The following KIAA1328 variants were observed in gnomAD, a reference collection of about 807,000 sequenced individuals.
KIAA1328 encodes protein hinderin.
Under a neutral mutation model 68.1 loss-of-function variants are expected in KIAA1328, and 52 were observed. The observed-to-expected ratio is 0.76, with a 90% CI of 0.61 to 0.96. The LOEUF (loss-of-function observed/expected upper bound fraction) is 0.96. Ranked by LOEUF, KIAA1328 falls within the 40% of genes least tolerant of loss-of-function variation. KIAA1328 has a pLI of 0.00. For missense variants in KIAA1328, 641 were observed against 677.6 expected (o/e 0.95, Z 0.60); for synonymous variants, 232 against 239.4 (o/e 0.97, Z 0.28).
intron 6 of KIAA1328, among the ~76,000 whole-genome samples, chr18:36,998,934 AAAG>A (rs1237671299): frequency 6.6e-6 from 1 of 152,232 alleles, no homozygotes; most frequent in African/African-American, 2.4e-5. Context: ...TGTTAATCAA[AAAG>A]AAGTTATCAA....
chr18:36,829,400 G>C, intron 1 of KIAA1328: 1 of 1,353,364 alleles, frequency 7.4e-7, no homozygotes, highest in Non-Finnish European at 9.4e-7. Flanking sequence ...GTCTGCAGGT[G>C]TGGGGACACG....
chr18:36,866,815 G>T (rs905668362), intron 4 of KIAA1328, among the ~76,000 whole-genome samples: 1 of 152,116 alleles, frequency 6.6e-6, no homozygotes, highest in Non-Finnish European at 1.5e-5. Flanking sequence ...TATATTAAAG[G>T]TCAAACCAAG....
At chr18:37,152,451 G>C (rs539094746) in intron 7 of KIAA1328, among the ~76,000 whole-genome samples, 1 of 152,228 alleles carries the variant, frequency 6.6e-6, no homozygotes, top group African/African-American at 2.4e-5. Flanking sequence ...AGTAGAAGGC[G>C]AGCAGGGTAC....
At chr18:36,879,649 G>A (rs1226434426) in intron 4 of KIAA1328, among the ~76,000 whole-genome samples, 2 of 152,320 alleles carry the variant, frequency 1.3e-5, no homozygotes, top group Middle Eastern at 3.4e-3. Context: ...TCCCCCAGGT[G>A]TTCTGACCCA....
intron 4 of KIAA1328, among the ~76,000 whole-genome samples, chr18:36,846,697 A>G (rs2047040839): frequency 6.6e-6 from 1 of 151,530 alleles, no homozygotes; most frequent in Non-Finnish European, 1.5e-5. Flanking sequence ...ATTCTGGCAC[A>G]ACATATAAAT....
At chr18:37,195,401 C>G (rs2059984874) in intron 9 of KIAA1328, among the ~76,000 whole-genome samples, 1 of 152,152 alleles carries the variant, frequency 6.6e-6, no homozygotes, top group Non-Finnish European at 1.5e-5. Context: ...AAACCCATGT[C>G]CTGTAGCATC....
intron 1 of KIAA1328, among the ~76,000 whole-genome samples, chr18:36,832,441 T>G (rs1044665399): frequency 4.6e-5 from 7 of 151,912 alleles, no homozygotes; most frequent in Middle Eastern, 3.4e-3. Flanking sequence ...CAAAAAAAAT[T>G]AGCCAGGTGT....
At chr18:37,027,988 T>G (rs1416591226) in intron 6 of KIAA1328, among the ~76,000 whole-genome samples, 1 of 152,108 alleles carries the variant, frequency 6.6e-6, no homozygotes, top group Non-Finnish European at 1.5e-5. Flanking sequence ...ATCCAGAATC[T>G]ACAAAGAACT....
chr18:37,117,929 G>C (rs970921970), intron 7 of KIAA1328, among the ~76,000 whole-genome samples: 3 of 149,550 alleles, frequency 2.0e-5, no homozygotes, highest in Non-Finnish European at 4.4e-5. Context: ...AAAGAATAAA[G>C]AATTACTTAT....
intron 6 of KIAA1328, among the ~76,000 whole-genome samples, chr18:36,996,181 T>C (rs894072596): frequency 1.3e-5 from 2 of 152,206 alleles, no homozygotes; most frequent in African/African-American, 4.8e-5. Flanking sequence ...TCTACCCTGT[T>C]AGACTCATAA....
intron 4 of KIAA1328, among the ~76,000 whole-genome samples, chr18:36,859,167 T>A (rs2047476975): frequency 6.6e-6 from 1 of 152,132 alleles, no homozygotes; most frequent in African/African-American, 2.4e-5. Flanking sequence ...TCTTAATATC[T>A]GTGTGTATCT....
Position 36,835,317 on chromosome 18 carries a change from A to T in KIAA1328, c.178A>T (p.Thr60Ser). 3 of 1,613,800 alleles carry T rather than the reference A, an allele frequency of 1.9e-6. No homozygotes were observed. Among genetic ancestry groups the T allele is most frequent in the Non-Finnish European group, 2.5e-6 (3 of 1,179,756 alleles). The stretch of plus-strand genomic sequence containing the variant: ...TGTTAAACTTAAGACTTCCAGGGTG[A>T]CTGATGCTTCAATCTCCATGGAGTC... ...ADVKLKTSRV[T>S]DASISMESLK... Residue 60 changes from threonine (T) to serine (S), a missense_variant, in exon 3 of 10, where the codon ACT (threonine) becomes TCT (serine). Coordinates refer to ENST00000280020, the MANE Select transcript of KIAA1328 (RefSeq NM_020776.3).
At chr18:36,982,160 A>G (rs1327574784) in intron 6 of KIAA1328, among the ~76,000 whole-genome samples, 1 of 144,620 alleles carries the variant, frequency 6.9e-6, no homozygotes, top group Non-Finnish European at 1.5e-5. Context: ...TATATAATAT[A>G]TATATATAAT....
At chr18:36,878,416 C>T (rs1236478836) in intron 4 of KIAA1328, among the ~76,000 whole-genome samples, 1 of 152,140 alleles carries the variant, frequency 6.6e-6, no homozygotes, top group African/African-American at 2.4e-5. Flanking sequence ...TTGTGGGTAA[C>T]CCGACCTTTC....
At chr18:36,957,918 A>G (rs2051492046) in intron 5 of KIAA1328, among the ~76,000 whole-genome samples, 1 of 152,120 alleles carries the variant, frequency 6.6e-6, no homozygotes. Flanking sequence ...GAACATGTTT[A>G]TTACCTTTCC....
intron 7 of KIAA1328, among the ~76,000 whole-genome samples, chr18:37,115,263 C>T (rs565493888): frequency 6.6e-6 from 1 of 152,256 alleles, no homozygotes; most frequent in East Asian, 1.9e-4. Flanking sequence ...CAAAAATCCT[C>T]AATAAAATAC....
At chr18:36,895,784 A>G in intron 5 of KIAA1328, 1 of 456,234 alleles carries the variant, frequency 2.2e-6, no homozygotes, top group South Asian at 1.5e-5. Context: ...ATTAAGGTTA[A>G]ATGAGGTCAT....
intron 7 of KIAA1328, among the ~76,000 whole-genome samples, chr18:37,088,359 A>G (rs1261630280): frequency 6.6e-6 from 1 of 152,090 alleles, no homozygotes; most frequent in Non-Finnish European, 1.5e-5. Context: ...GCTCTCCAAT[A>G]CTTATTTGTA....
At chr18:37,095,087 G>A (rs2057367886) in intron 7 of KIAA1328, among the ~76,000 whole-genome samples, 1 of 152,052 alleles carries the variant, frequency 6.6e-6, no homozygotes, top group Non-Finnish European at 1.5e-5. Flanking sequence ...ACATATAAAG[G>A]ATCATTATTA....
Sources: gnomAD v4.1 joint callset for allele counts (sites outside exome capture counted in the v4.1 genomes callset) on GRCh38, gnomAD v4.1.1 for gene constraint, MANE v1.5 for transcripts, NCBI Gene and HGNC (gene_info 2026-07-23, HGNC 2026-07-21) for gene names.